Variants in CRACD observed in about 807,000 individuals in gnomAD.
The protein encoded by CRACD is capping protein inhibiting regulator of actin dynamics.
Under a neutral mutation model 106.8 loss-of-function variants are expected in CRACD, and 56 were observed. The observed-to-expected ratio is 0.52, with a 90% CI of 0.42 to 0.66. CRACD has a LOEUF of 0.66. Among genes scored for constraint, CRACD ranks in the 30% least tolerant of loss-of-function variants. The probability of loss-of-function intolerance (pLI) is 0.00; values close to 1 mark genes in which losing one functional copy is unlikely to be tolerated. For missense variants in CRACD, 1,730 were observed against 1,623.2 expected (o/e 1.07, Z -1.13); for synonymous variants, 754 against 670.8 (o/e 1.12, Z -1.92).
intron 1 of CRACD, among the ~76,000 whole-genome samples, chr4:56,170,772 G>C (rs1196238297): frequency 6.6e-6 from 1 of 152,182 alleles, no homozygotes; most frequent in South Asian, 2.1e-4. Flanking sequence ...CCAGGAGCTC[G>C]AGGTTACAGT....
chr4:56,128,443 C>T (rs965494631), intron 1 of CRACD, among the ~76,000 whole-genome samples: 1 of 152,052 alleles, frequency 6.6e-6, no homozygotes, highest in African/African-American at 2.4e-5. Flanking sequence ...GGCCTGGTGC[C>T]TTGTGTTATA....
At position 56,118,211 on chromosome 4, in the gene CRACD, A is replaced by G. The variant is rs139194161; in HGVS notation, c.-335-61073A>G. On this transcript the variant is annotated intron_variant, in intron 1 of 10. Coordinates refer to ENST00000682029, the MANE Select transcript of CRACD (RefSeq NM_001393381.1). ...GCCCTAGGCTAATCACTTACGAACC[A>G]GAAGGGACCTCAGAGATCACATGGC... Among the ~76,000 whole-genome samples the G allele has an allele frequency of 3.2e-3, 491 of 152,216 alleles. 6 individuals are homozygous for G. Among genetic ancestry groups the G allele is most frequent in the African/African-American group, 0.011 (469 of 41,522 alleles).
chr4:56,144,454 C>T (rs868736289), intron 1 of CRACD, among the ~76,000 whole-genome samples: 14 of 152,070 alleles, frequency 9.2e-5, no homozygotes, highest in South Asian at 4.1e-4. Flanking sequence ...GCGGTGAGAA[C>T]GAGGATAACC....
At chr4:56,105,848 C>T (rs1733933037) in intron 1 of CRACD, among the ~76,000 whole-genome samples, 1 of 151,806 alleles carries the variant, frequency 6.6e-6, no homozygotes, top group Non-Finnish European at 1.5e-5. Flanking sequence ...TGCTGTTCTG[C>T]AAATTCATTC....
intron 1 of CRACD, among the ~76,000 whole-genome samples, chr4:56,160,082 A>C (rs2109902276): frequency 6.6e-6 from 1 of 151,986 alleles, no homozygotes. Context: ...TACCCGGCCA[A>C]AAATGACTTT....
chr4:56,096,900 G>C (rs1400983293), intron 1 of CRACD, among the ~76,000 whole-genome samples: 1 of 152,218 alleles, frequency 6.6e-6, no homozygotes, highest in African/African-American at 2.4e-5. Flanking sequence ...AGAAGCCATA[G>C]AAGGGAAACA....
Position 56,307,699 on chromosome 4 carries a change from G to A in CRACD, c.285G>A (p.Lys95=). Residue 95 remains lysine (K), a splice_region_variant and synonymous_variant, in exon 5 of 11, where the codon AAG becomes AAA. Coordinates refer to ENST00000682029, the MANE Select transcript of CRACD (RefSeq NM_001393381.1). Reference sequence around the variant, plus strand: ...TCGTCCTCTCAGACGCAGAGAACAAGGTAAGTCTCCTCCAGGGAATGACTT... The same window carrying A: ...TCGTCCTCTCAGACGCAGAGAACAAAGTAAGTCTCCTCCAGGGAATGACTT... ...QDIVLSDAEN[K]SSDTPSSLSP... 1 of 1,614,026 alleles carries A rather than the reference G, an allele frequency of 6.2e-7. No homozygotes were observed. The highest frequency in any genetic ancestry group is 8.5e-7 in the Non-Finnish European group (1 of 1,179,988).
chr4:56,210,868 C>T (rs2109491386), intron 2 of CRACD, among the ~76,000 whole-genome samples: 1 of 152,292 alleles, frequency 6.6e-6, no homozygotes, highest in East Asian at 1.9e-4. Flanking sequence ...AGGAAGAGTT[C>T]TCCATGCCTG....
rs764620167 is a variant in CRACD, at chr4:56,315,429, G to C, written c.1927G>C (p.Gly643Arg). The change falls in exon 8 of 11, where the codon GGC (glycine) becomes CGC (arginine). Residue 643 changes from glycine (G) to arginine (R), a missense_variant. Around this residue, in one of 5 missense-constraint regions of CRACD, gnomAD observed 1,620 missense variants for 1,481.6 expected, o/e 1.09. Transcript: ENST00000682029. This position sits in a 1 kb window ranked among gnomAD's most constrained non-coding sequence, Gnocchi z 4.1. The stretch of plus-strand genomic sequence containing the variant: ...TGGGGAGAACCCTCCCCGAGGCCCC[G>C]GCGACGCGAGGGCGGGCAGCGGGAA... ...PAGENPPRGPGDARAGSGKAK... is the reference protein window; with the variant it reads ...PAGENPPRGPRDARAGSGKAK... 9.3e-6 allele frequency: 15 copies of C among 1,612,526 alleles called. 1 individual carries two copies. Among genetic ancestry groups the C allele is most frequent in the South Asian group, 2.2e-5 (2 of 91,066 alleles).
chr4:56,124,271 A>G (rs993358147), intron 1 of CRACD, among the ~76,000 whole-genome samples: 1 of 152,236 alleles, frequency 6.6e-6, no homozygotes, highest in Non-Finnish European at 1.5e-5. Flanking sequence ...ATGTCTGTAC[A>G]TACACAAAGG....
chr4:56,284,783 C>G (rs1286930317), intron 3 of CRACD, among the ~76,000 whole-genome samples: 1 of 152,054 alleles, frequency 6.6e-6, no homozygotes, highest in East Asian at 1.9e-4. Flanking sequence ...ACATGCAAAG[C>G]ACTTTTATTT....
At chr4:56,223,979 G>A (rs1044460718) in intron 2 of CRACD, among the ~76,000 whole-genome samples, 3 of 152,120 alleles carry the variant, frequency 2.0e-5, no homozygotes, top group Middle Eastern at 3.4e-3. Context: ...AGCTGGTCTT[G>A]GATTCCTGGC....
intron 1 of CRACD, among the ~76,000 whole-genome samples, chr4:56,144,971 A>G (rs1296071433): frequency 6.6e-6 from 1 of 152,006 alleles, no homozygotes. Context: ...TGTTTTTAGT[A>G]GAGATTGGGT....
chr4:56,181,657 G>A (rs1055523929), intron 2 of CRACD, among the ~76,000 whole-genome samples: 2 of 152,156 alleles, frequency 1.3e-5, no homozygotes, highest in Admixed American at 1.3e-4. Flanking sequence ...ACACATCAAA[G>A]GGAAACCTTC....
intron 1 of CRACD, among the ~76,000 whole-genome samples, chr4:56,107,712 G>A (rs1002218922): frequency 3.3e-5 from 5 of 152,172 alleles, no homozygotes; most frequent in African/African-American, 7.2e-5. Context: ...GAAGGAGAGT[G>A]CACTTGGTTG....
At position 56,272,500 on chromosome 4, in the gene CRACD, C is replaced by A. The variant is rs1448162402; in HGVS notation, c.-17+8C>A. ...CCTGGAAGACAATCTAAGGTAATAA[C>A]TTGCACTTTCCTTTCAGATCTTTGG... On this transcript the variant is annotated splice_region_variant and intron_variant, in intron 3 of 10. Transcript: ENST00000682029. 6.6e-6 allele frequency: 1 copy of A among 152,616 alleles called. No homozygotes were observed. The highest frequency in any genetic ancestry group is 1.5e-5 in the Non-Finnish European group (1 of 68,048). The allele number at this position is 152,616 out of a possible 1,614,324, so 9.5% of individuals were successfully genotyped here.
At chr4:56,124,825 G>A (rs1181529892) in intron 1 of CRACD, among the ~76,000 whole-genome samples, 1 of 152,104 alleles carries the variant, frequency 6.6e-6, no homozygotes, top group Non-Finnish European at 1.5e-5. Context: ...AGTCTAGGAG[G>A]GGATAGTAGA....
At chr4:56,231,635 C>A (rs1739624576) in intron 2 of CRACD, among the ~76,000 whole-genome samples, 1 of 152,182 alleles carries the variant, frequency 6.6e-6, no homozygotes, top group Non-Finnish European at 1.5e-5. Flanking sequence ...ACAAGGAATG[C>A]AAAGTAGCAA....
chr4:56,163,936 C>T lies in CRACD; in HGVS notation c.-335-15348C>T, dbSNP rs539955541. On this transcript the variant is annotated intron_variant, in intron 1 of 10. Coordinates refer to ENST00000682029, the MANE Select transcript of CRACD (RefSeq NM_001393381.1). ...AATTTTTTTGTATTTTTAGTAGAGA[C>T]GGGGTTTCACCATGTTGCCCAGGCT... is the stretch of plus-strand genomic sequence containing the variant. Among the ~76,000 whole-genome samples the T allele has an allele frequency of 4.3e-4, 65 of 151,906 alleles. 1 individual carries two copies. Among genetic ancestry groups the T allele is most frequent in the Admixed American group, 2.0e-3 (30 of 15,234 alleles).
Sources: gnomAD v4.1 joint callset for allele counts (sites outside exome capture counted in the v4.1 genomes callset) on GRCh38, gnomAD v4.1.1 for gene constraint, gnomAD v4.1.1 regional missense constraint, Gnocchi (gnomAD v3.1) non-coding constraint, MANE v1.5 for transcripts, NCBI Gene and HGNC (gene_info 2026-07-23, HGNC 2026-07-21) for gene names.